Variants in TRIP11 observed in about 807,000 individuals in gnomAD.
TRIP11 encodes the protein thyroid receptor-interacting protein 11.
In TRIP11, 148 loss-of-function variants were observed where a neutral mutation model predicts 223.1. That is an observed-to-expected ratio of 0.66 (90% CI 0.58 to 0.76). TRIP11 has a LOEUF of 0.76. Ranked by LOEUF, TRIP11 falls within the 30% of genes least tolerant of loss-of-function variation. TRIP11 has a pLI of 0.00. For missense variants in TRIP11, 2,043 were observed against 2,222.0 expected, an observed-to-expected ratio of 0.92 and a Z score of 1.62; for synonymous variants, 762 against 772.6, an observed-to-expected ratio of 0.99 and a Z score of 0.23.
intron 3 of TRIP11, among the ~76,000 whole-genome samples, chr14:92,024,436 T>C (rs2057155465): frequency 6.6e-6 from 1 of 152,138 alleles, no homozygotes; most frequent in Non-Finnish European, 1.5e-5. Context: ...TTTATTTTTA[T>C]AGTAATTCAT....
At chr14:91,992,936 A>C (rs1037811128) in intron 15 of TRIP11, among the ~76,000 whole-genome samples, 5 of 148,970 alleles carry the variant, frequency 3.4e-5, no homozygotes, top group African/African-American at 1.2e-4. Flanking sequence ...AAAAAAAAAA[A>C]AAAAGACAAG....
Position 92,040,045 on chromosome 14 carries a change from A to C in TRIP11, c.-360T>G. On this transcript the variant is annotated 5_prime_UTR_variant, in exon 1 of 21. Coordinates refer to ENST00000267622, the MANE Select transcript of TRIP11 (RefSeq NM_004239.4). The stretch of plus-strand genomic sequence containing the variant: ...CCGGCCGCCATGACACTCGCTCGGA[A>C]AGCGGCAGCGGATCATAGAAAAGCG... 2.4e-6 allele frequency: 1 copy of C among 416,908 alleles called. No homozygotes were observed. The highest frequency in any genetic ancestry group is 2.4e-5 in the South Asian group (1 of 41,628). The allele number at this position is 416,908 out of a possible 1,614,324, so 25.8% of individuals were successfully genotyped here.
chr14:92,010,791 G>A (rs982981355), intron 9 of TRIP11, among the ~76,000 whole-genome samples, 195 bp downstream of exon 9: 4 of 151,664 alleles, frequency 2.6e-5, no homozygotes, highest in African/African-American at 9.7e-5. Flanking sequence ...TTCTAAATAC[G>A]AACTCAAGCC....
At chr14:91,970,920 T>A (rs1371675362) in intron 20 of TRIP11, among the ~76,000 whole-genome samples, 1 of 152,060 alleles carries the variant, frequency 6.6e-6, no homozygotes, top group Non-Finnish European at 1.5e-5. Context: ...ATAATTACAA[T>A]AAAGAAAAAC....
At chr14:92,001,481 T>G (rs990493534) in intron 11 of TRIP11, among the ~76,000 whole-genome samples, 1 of 152,020 alleles carries the variant, frequency 6.6e-6, no homozygotes, top group African/African-American at 2.4e-5. Flanking sequence ...AAAAAAGATG[T>G]TACTCATTAT....
At chr14:92,007,917 A>G in intron 9 of TRIP11, 65 bp from the exon 10 acceptor site, 2 of 1,355,966 alleles carry the variant, frequency 1.5e-6, no homozygotes, top group Non-Finnish European at 2.0e-6. Flanking sequence ...GATTAAAAAC[A>G]TACATAGAAG....
At chr14:91,995,814 C>T (rs2056744290) in intron 13 of TRIP11, among the ~76,000 whole-genome samples, 1 of 152,002 alleles carries the variant, frequency 6.6e-6, no homozygotes, top group African/African-American at 2.4e-5. Flanking sequence ...TGGTGTTTTA[C>T]CATGTTGGCC....
chr14:91,987,690 T>C (rs191272843), intron 16 of TRIP11, among the ~76,000 whole-genome samples: 1 of 152,298 alleles, frequency 6.6e-6, no homozygotes, highest in Non-Finnish European at 1.5e-5. Context: ...GGATATGCCA[T>C]CTTTGTCAGC....
chr14:92,000,058 C>T lies in TRIP11; in HGVS notation c.4608G>A (p.Gln1536=), dbSNP rs150069453. ...CCTGTTGAAACACAACTGTCTTCTC[C>T]TGCATTGATTTAACTGCATTTAAAA... ...NQLLNAVKSM[Q]EKTVVFQQER... The change falls in exon 12 of 21, where the codon CAG becomes CAA. Residue 1536 remains glutamine, a synonymous_variant. Transcript: ENST00000267622. The T allele has an allele frequency of 2.9e-5, 46 of 1,613,856 alleles. No individual in the cohort carries two copies. In the African/African-American group the frequency reaches 5.3e-4, roughly 19 times the overall value.
At chr14:91,988,633 T>TAAAAAAAAAAAAAAAAAAAGAAAAAAA (rs2056634626) in intron 15 of TRIP11, among the ~76,000 whole-genome samples, 1 of 99,518 alleles carries the variant, frequency 1.0e-5, no homozygotes, top group African/African-American at 3.7e-5. Context: ...ATGACAGAAG[T>TAAAAAAAAAAAAAAAAAAAGAAAAAAA]AAAAAAAAAA....
At chr14:92,021,024 T>C (rs560244793) in intron 4 of TRIP11, among the ~76,000 whole-genome samples, 1 of 144,836 alleles carries the variant, frequency 6.9e-6, no homozygotes, top group South Asian at 2.2e-4. Context: ...GAGCCAATAC[T>C]GTGCCACTGC....
intron 19 of TRIP11, among the ~76,000 whole-genome samples, chr14:91,974,127 C>G (rs554538922): frequency 1.3e-5 from 2 of 152,196 alleles, no homozygotes; most frequent in African/African-American, 2.4e-5. Context: ...CTACAACATA[C>G]CAGGCACTGT....
In TRIP11 at chr14:91,972,784, A is replaced by C. The variant is rs775692532; in HGVS notation, c.5652T>G (p.His1884Gln). 1 of 1,613,406 alleles carries C rather than the reference A, an allele frequency of 6.2e-7. No homozygotes were observed. Among genetic ancestry groups the C allele is most frequent in the South Asian group, 1.1e-5 (1 of 91,016 alleles). The change falls in exon 20 of 21, where the codon CAT becomes CAG. Residue 1884 changes from histidine (H) to glutamine (Q), a missense_variant. Transcript: ENST00000267622. ...CTGGTGAATCCAGAGGTTTCATATC[A>C]TGAACAGAAAGCTTTGGTGGTGGAA... ...PSIPPPKLSV[H>Q]DMKPLDSPGR... is the part of the protein sequence containing the mutation.
At chr14:92,028,990 C>T (rs929771618) in intron 2 of TRIP11, among the ~76,000 whole-genome samples, 2 of 152,104 alleles carry the variant, frequency 1.3e-5, no homozygotes, top group African/African-American at 4.8e-5. Context: ...AGAAAATTTA[C>T]CTATTTTCAA....
chr14:91,974,089 C>A (rs1017029443), intron 19 of TRIP11, among the ~76,000 whole-genome samples: 1 of 152,184 alleles, frequency 6.6e-6, no homozygotes, highest in East Asian at 1.9e-4. Context: ...GATACTACTA[C>A]TCAATTCAAT....
At chr14:92,014,166 T>C (rs2140129420) in intron 7 of TRIP11, 49 bp downstream of exon 7, 1 of 1,612,016 alleles carries the variant, frequency 6.2e-7, no homozygotes, top group South Asian at 1.1e-5. Context: ...TAAAAACAAC[T>C]ACTATGCAAT....
Position 91,995,450 on chromosome 14 carries a change from T to C in TRIP11, c.4958A>G (p.Asp1653Gly). ...EQLNVVSKQR[D>G]ETALQLSVSQ... is the part of the protein sequence containing the mutation. ...GACAGAAAGCTGCAGCGCAGTTTCA[T>C]CCCTTTGCTTGGAAACTACATTCAA... is the stretch of plus-strand genomic sequence containing the variant. Residue 1653 changes from aspartate to glycine, a missense_variant, in exon 14 of 21, where the codon GAT becomes GGT. Physicochemically the swap from Asp to Gly is moderately conservative, Grantham distance 94. Coordinates refer to ENST00000267622, the MANE Select transcript of TRIP11 (RefSeq NM_004239.4). The C allele has an allele frequency of 6.2e-7, 1 of 1,614,152 alleles. No homozygotes were observed. Among genetic ancestry groups the C allele is most frequent in the Non-Finnish European group, 8.5e-7 (1 of 1,180,022 alleles).
At chr14:91,971,536 A>G (rs1006398292) in intron 20 of TRIP11, among the ~76,000 whole-genome samples, 2 of 151,926 alleles carry the variant, frequency 1.3e-5, no homozygotes, top group Non-Finnish European at 2.9e-5. Context: ...GAAAAGTGAG[A>G]GAAAAGAAGG....
intron 16 of TRIP11, chr14:91,977,063 G>T: frequency 3.9e-6 from 1 of 256,854 alleles, no homozygotes; most frequent in Non-Finnish European, 7.8e-6. Flanking sequence ...TGTTCTGAAA[G>T]AAATAAAGAG....
Sources: allele counts gnomAD v4.1 joint callset (sites outside exome capture counted in the v4.1 genomes callset), GRCh38; gene constraint gnomAD v4.1.1; transcripts MANE v1.5; gene names NCBI Gene and HGNC (gene_info 2026-07-23, HGNC 2026-07-21).